LRRC49: variants seen among roughly 807,000 people sequenced by gnomAD.
The protein encoded by LRRC49 is leucine-rich repeat-containing protein 49.
In LRRC49, 50 loss-of-function variants were observed where a neutral mutation model predicts 83.3. The ratio of observed to expected loss-of-function variants is 0.60; its 90% CI spans 0.48 to 0.76. LRRC49 has a LOEUF of 0.76. LRRC49 is among the 30% of genes least tolerant of loss of function. The pLI is 0.00. For missense variants in LRRC49, 704 were observed against 809.1 expected (o/e 0.87, Z 1.58); for synonymous variants, 286 against 283.3 (o/e 1.01, Z -0.10).
upstream of LRRC49, among the ~76,000 whole-genome samples, chr15:70,891,058 T>C (rs1414098688): frequency 6.6e-6 from 1 of 152,108 alleles, no homozygotes; most frequent in Non-Finnish European, 1.5e-5. Context: ...CGGACCTAAG[T>C]AAGGATTACA....
chr15:70,882,160 T>C (rs1462113759), intron 2 of LRRC49: 2 of 276,538 alleles, frequency 7.2e-6, no homozygotes, highest in African/African-American at 2.2e-5. Context: ...TATTCAATGC[T>C]TAATTTTGAT....
intron 10 of LRRC49, among the ~76,000 whole-genome samples, chr15:70,982,121 C>A (rs952592143): frequency 6.6e-6 from 1 of 152,038 alleles, no homozygotes; most frequent in Non-Finnish European, 1.5e-5. Flanking sequence ...TATAGGAAAA[C>A]GTTTGCATTT....
intron 6 of LRRC49, among the ~76,000 whole-genome samples, chr15:70,913,683 G>A (rs780203332): frequency 1.7e-4 from 26 of 152,122 alleles, no homozygotes; most frequent in Admixed American, 3.9e-4. Context: ...AAATTAATTG[G>A]TGTTTTATCC....
At chr15:70,882,953 T>C (rs1284493812) in intron 2 of LRRC49, 2 of 1,598,390 alleles carry the variant, frequency 1.3e-6, no homozygotes, top group East Asian at 2.2e-5. Flanking sequence ...GTGTACCTTA[T>C]AGGATTTTAT....
intron 5 of LRRC49, among the ~76,000 whole-genome samples, chr15:70,910,483 A>G (rs891434335): frequency 7.9e-5 from 12 of 152,214 alleles, no homozygotes; most frequent in African/African-American, 2.9e-4. Flanking sequence ...GAGGCAGTAA[A>G]CAAGGACAAC....
At chr15:70,956,591 GT>G (rs941578386) in intron 8 of LRRC49, among the ~76,000 whole-genome samples, 3 of 136,688 alleles carry the variant, frequency 2.2e-5, no homozygotes, top group African/African-American at 7.1e-5. Flanking sequence ...ATTTCCAGGT[GT>G]TTTTTTTTAA....
At chr15:70,977,538 G>C (rs770452851) in intron 9 of LRRC49, among the ~76,000 whole-genome samples, 1 of 152,090 alleles carries the variant, frequency 6.6e-6, no homozygotes, top group African/African-American at 2.4e-5. Context: ...CCAGCTTCTT[G>C]GGAGGCTAAG....
chr15:70,902,983 G>A (rs2034147366), intron 4 of LRRC49, among the ~76,000 whole-genome samples: 3 of 152,102 alleles, frequency 2.0e-5, no homozygotes, highest in Admixed American at 2.0e-4. Flanking sequence ...TAACCACTGT[G>A]TTTAGAATCA....
intron 8 of LRRC49, among the ~76,000 whole-genome samples, chr15:70,951,350 G>A (rs1043126004): frequency 7.2e-5 from 11 of 152,036 alleles, no homozygotes; most frequent in African/African-American, 2.4e-4. Context: ...ATTGCTTTGG[G>A]TAGTATGGTC....
rs1450128270 is a variant in LRRC49 at position 71,037,214 on chromosome 15, G to A, written c.1739G>A (p.Gly580Glu). 1 of 1,609,754 alleles carries A rather than the reference G, an allele frequency of 6.2e-7. No individual in the cohort carries two copies. Among genetic ancestry groups the A allele is most frequent in the Non-Finnish European group, 8.5e-7 (1 of 1,178,060 alleles). The part of the protein sequence containing the change: ...KQFRYLLESK[G>E]KKPGIINEEN... ...TTTCGGTATCTACTAGAATCCAAAG[G>A]AAAAAAACCTGGTATTATCAACGAA... The change falls in exon 15 of 16, where the codon GGA becomes GAA. Residue 580 changes from glycine (G) to glutamate (E), a missense_variant. This residue lies in a region of LRRC49 where 275 missense variants were observed against 338.0 expected (regional missense o/e 0.81). Coordinates refer to ENST00000260382, the MANE Select transcript of LRRC49 (RefSeq NM_017691.5).
At chr15:70,921,527 C>T (rs1258361528) in intron 7 of LRRC49, among the ~76,000 whole-genome samples, 1 of 152,192 alleles carries the variant, frequency 6.6e-6, no homozygotes, top group East Asian at 1.9e-4. Flanking sequence ...TTATACACTA[C>T]TTGATTCAGC....
At chr15:70,892,792 G>A, upstream of LRRC49, 3 of 1,611,620 alleles carry the variant, frequency 1.9e-6, no homozygotes, top group Non-Finnish European at 1.7e-6. Context: ...TGGTAACCCT[G>A]AGCAGGTTGC....
intron 3 of LRRC49, among the ~76,000 whole-genome samples, chr15:70,898,203 G>T (rs980757029): frequency 6.6e-6 from 1 of 152,176 alleles, no homozygotes; most frequent in African/African-American, 2.4e-5. Context: ...ATACAGTGCA[G>T]TGAACATTCT....
intron 15 of LRRC49, among the ~76,000 whole-genome samples, chr15:71,047,081 G>A (rs1385312580): frequency 6.6e-6 from 1 of 152,118 alleles, no homozygotes; most frequent in Non-Finnish European, 1.5e-5. Flanking sequence ...AACTGTTTTG[G>A]TTACTGTGGC....
intron 11 of LRRC49, among the ~76,000 whole-genome samples, chr15:70,996,866 A>G (rs1054505852): frequency 6.6e-5 from 10 of 152,182 alleles, no homozygotes; most frequent in Admixed American, 1.3e-4. Flanking sequence ...TTAAGACTGC[A>G]GTGTTTAATT....
chr15:71,023,355 G>A (rs146325878), intron 14 of LRRC49, among the ~76,000 whole-genome samples: 3 of 152,300 alleles, frequency 2.0e-5, no homozygotes, highest in Non-Finnish European at 4.4e-5. Context: ...TAACAAATGT[G>A]TACAGACATT....
chr15:70,949,596 C>T (rs991431993), intron 8 of LRRC49, among the ~76,000 whole-genome samples: 1 of 152,092 alleles, frequency 6.6e-6, no homozygotes, highest in African/African-American at 2.4e-5. Flanking sequence ...CCAAAATCCA[C>T]CAATGCTCCC....
Position 70,979,454 on chromosome 15 carries a change from CT to C in LRRC49, c.922-636del, listed in dbSNP as rs773000823. ...TATTTCTATCACTTCACCTGATTAT[CT>C]TTTTTTTTTTGTAGTTAGAACATAT... On this transcript the variant is annotated intron_variant, in intron 9 of 15. Transcript: ENST00000260382. Among the ~76,000 whole-genome samples, 669 of 144,922 alleles carry C rather than the reference CT, an allele frequency of 4.6e-3. 5 individuals carry two copies. The highest frequency in any genetic ancestry group is 5.1e-3 in the Non-Finnish European group (333 of 65,562).
rs1372600330 is a variant in LRRC49 at position 71,009,987 on chromosome 15, A to C, written c.1588A>C (p.Thr530Pro). The C allele has an allele frequency of 1.9e-6, 3 of 1,576,158 alleles. No individual in the cohort carries two copies. Among genetic ancestry groups the C allele is most frequent in the Non-Finnish European group, 2.6e-6 (3 of 1,158,252 alleles). The change falls in exon 13 of 16, where the codon ACA becomes CCA. Residue 530 changes from threonine to proline, a missense_variant. Thr to Pro is a conservative substitution (Grantham distance 38). Around this residue, in one of 3 missense-constraint regions of LRRC49, gnomAD observed 275 missense variants for 338.0 expected, o/e 0.81. Coordinates refer to ENST00000260382, the MANE Select transcript of LRRC49 (RefSeq NM_017691.5). ...SHFSMQKING[T>P]EVTQNDMIMA... ...TTTCAGTATGCAGAAAATAAATGGAACAGAGGTAAGCTAAAAACTAGATGA... is the reference window on the plus strand; with the variant it reads ...TTTCAGTATGCAGAAAATAAATGGACCAGAGGTAAGCTAAAAACTAGATGA...
Sources: allele counts gnomAD v4.1 joint callset (sites outside exome capture counted in the v4.1 genomes callset), GRCh38; gene constraint gnomAD v4.1.1; regional missense constraint gnomAD v4.1.1; transcripts MANE v1.5; gene names NCBI Gene and HGNC (gene_info 2026-07-23, HGNC 2026-07-21).